Variants in MPP7 observed in about 807,000 individuals in gnomAD.
The protein encoded by MPP7 is MAGUK p55 subfamily member 7.
MPP7 carries 60 observed loss-of-function variants against 76.5 expected under a neutral mutation model. The observed-to-expected ratio is 0.78, with a 90% CI of 0.64 to 0.97. The LOEUF is 0.97. MPP7 is among the 50% of genes least tolerant of loss of function. The probability of loss-of-function intolerance (pLI) is 0.00; values close to 1 mark genes in which losing one functional copy is unlikely to be tolerated. For synonymous variants in MPP7, 237 were observed against 244.5 expected (o/e 0.97, Z 0.29); for missense variants, 641 against 694.0 (o/e 0.92, Z 0.86).
At chr10:28,183,631 TAAAG>T (rs1314657925) in intron 3 of MPP7, among the ~76,000 whole-genome samples, 3 of 151,814 alleles carry the variant, frequency 2.0e-5, no homozygotes, top group African/African-American at 7.3e-5. Context: ...CAGCAAAAAA[TAAAG>T]AATTAGCTGG....
At chr10:28,095,321 A>T (rs1228752551) in intron 11 of MPP7, among the ~76,000 whole-genome samples, 1 of 151,836 alleles carries the variant, frequency 6.6e-6, no homozygotes, top group Non-Finnish European at 1.5e-5. Flanking sequence ...CCAATAAAAT[A>T]GCCAGAACAA....
At chr10:28,308,628 A>T (rs1841272473) in intron 2 of MPP7, among the ~76,000 whole-genome samples, 1 of 151,996 alleles carries the variant, frequency 6.6e-6, no homozygotes, top group Non-Finnish European at 1.5e-5. Context: ...ACACCTATTA[A>T]TTATCTTGGT....
At chr10:28,137,548 T>A (rs1056321058) in intron 5 of MPP7, among the ~76,000 whole-genome samples, 1 of 152,260 alleles carries the variant, frequency 6.6e-6, no homozygotes, top group Admixed American at 6.5e-5. Flanking sequence ...TTTTTTCTAC[T>A]TAGCTTTGTT....
chr10:28,216,747 T>G (rs1253369398), intron 2 of MPP7, among the ~76,000 whole-genome samples: 1 of 152,178 alleles, frequency 6.6e-6, no homozygotes, highest in Non-Finnish European at 1.5e-5. Flanking sequence ...TGACAACAAA[T>G]GTGCATTCAA....
chr10:28,221,558 C>G (rs767592682), intron 2 of MPP7, among the ~76,000 whole-genome samples: 4 of 152,156 alleles, frequency 2.6e-5, no homozygotes, highest in African/African-American at 4.8e-5. Flanking sequence ...ATCAAATAAA[C>G]TAGATCCCCA....
chr10:28,229,051 G>A (rs1166249947), intron 2 of MPP7, among the ~76,000 whole-genome samples: 1 of 152,132 alleles, frequency 6.6e-6, no homozygotes, highest in Non-Finnish European at 1.5e-5. Flanking sequence ...GAAGAATGAA[G>A]TACAGGTAAC....
intron 2 of MPP7, among the ~76,000 whole-genome samples, chr10:28,313,464 C>G (rs961857408): frequency 6.6e-6 from 1 of 151,998 alleles, no homozygotes; most frequent in Non-Finnish European, 1.5e-5. Flanking sequence ...CTAGATTACA[C>G]CACTGCACTC....
chr10:28,135,318 C>A (rs1344394218), intron 5 of MPP7, among the ~76,000 whole-genome samples: 3 of 152,164 alleles, frequency 2.0e-5, no homozygotes, highest in African/African-American at 7.2e-5. Context: ...TCCCTTGAGT[C>A]CTGAGCAAAG....
intron 3 of MPP7, among the ~76,000 whole-genome samples, chr10:28,196,853 G>A (rs1233676307): frequency 1.3e-5 from 2 of 152,136 alleles, no homozygotes; most frequent in Non-Finnish European, 2.9e-5. Flanking sequence ...GTCCCATCCA[G>A]TCTTCACTGT....
At chr10:28,324,789 T>C (rs1044737891) in intron 2 of MPP7, among the ~76,000 whole-genome samples, 1 of 152,240 alleles carries the variant, frequency 6.6e-6, no homozygotes, top group African/African-American at 2.4e-5. Context: ...CCCACTGGTT[T>C]ATACATCCCG....
chr10:28,212,110 C>A (rs1482652623), intron 2 of MPP7, among the ~76,000 whole-genome samples: 2 of 150,680 alleles, frequency 1.3e-5, no homozygotes, highest in African/African-American at 4.9e-5. Flanking sequence ...GAGACCCTGT[C>A]TCGTAAAAAA....
intron 12 of MPP7, among the ~76,000 whole-genome samples, chr10:28,077,043 T>C (rs1852522212): frequency 6.8e-6 from 1 of 146,896 alleles, no homozygotes; most frequent in South Asian, 2.2e-4. Context: ...GTGAGATAGG[T>C]CTAGCACTTC....
intron 3 of MPP7, among the ~76,000 whole-genome samples, chr10:28,190,779 G>T (rs1471063502): frequency 6.6e-6 from 1 of 151,230 alleles, no homozygotes; most frequent in African/African-American, 2.4e-5. Flanking sequence ...TAGAAGAAAA[G>T]AAATCAGACA....
intron 3 of MPP7, among the ~76,000 whole-genome samples, chr10:28,189,820 A>G (rs2133941878): frequency 6.6e-6 from 1 of 152,260 alleles, no homozygotes; most frequent in African/African-American, 2.4e-5. Flanking sequence ...ATATTAACCA[A>G]CTATATCAAC....
chr10:28,076,760 C>A (rs780687275), intron 12 of MPP7, among the ~76,000 whole-genome samples: 1 of 152,046 alleles, frequency 6.6e-6, no homozygotes, highest in Non-Finnish European at 1.5e-5. Context: ...TGGTGGCACA[C>A]ACCTGTAATC....
chr10:28,134,228 G>T (rs1835286293), intron 5 of MPP7, among the ~76,000 whole-genome samples: 1 of 151,962 alleles, frequency 6.6e-6, no homozygotes, highest in Non-Finnish European at 1.5e-5. Flanking sequence ...GTGTATAGCG[G>T]TATCTCCTGT....
At chr10:28,103,111 A>C (rs1048418654) in intron 11 of MPP7, among the ~76,000 whole-genome samples, 3 of 150,646 alleles carry the variant, frequency 2.0e-5, no homozygotes, top group Middle Eastern at 3.2e-3. Context: ...GTCCTGTCTC[A>C]GGGCCTTTGC....
chr10:28,323,284 C>A (rs1834382669), intron 2 of MPP7, among the ~76,000 whole-genome samples: 1 of 149,270 alleles, frequency 6.7e-6, no homozygotes. Flanking sequence ...CACTCCATCT[C>A]AAAAAAAAAG....
chr10:28,172,957 C>T (rs1488880333), intron 3 of MPP7, among the ~76,000 whole-genome samples: 1 of 152,140 alleles, frequency 6.6e-6, no homozygotes, highest in Non-Finnish European at 1.5e-5. Context: ...TTCATGTGGA[C>T]TGACCCCTTT....
Sources: gnomAD v4.1 joint callset for allele counts (sites outside exome capture counted in the v4.1 genomes callset) on GRCh38, gnomAD v4.1.1 for gene constraint, MANE v1.5 for transcripts, NCBI Gene and HGNC (gene_info 2026-07-23, HGNC 2026-07-21) for gene names.